Variants in ZDHHC14 observed in about 807,000 individuals in gnomAD.
ZDHHC14 encodes zDHHC palmitoyltransferase 14, also known as palmitoyltransferase ZDHHC14.
In ZDHHC14, 16 loss-of-function variants were observed where a neutral mutation model predicts 47.7. The ratio of observed to expected loss-of-function variants is 0.34; its 90% CI spans 0.23 to 0.51. ZDHHC14 has a LOEUF of 0.51. Among genes scored for constraint, ZDHHC14 ranks in the 20% least tolerant of loss-of-function variants. The pLI, the probability that ZDHHC14 is intolerant of heterozygous loss-of-function variation, is 0.97. For missense variants in ZDHHC14, 515 were observed against 662.5 expected (o/e 0.78, Z 2.44); for synonymous variants, 293 against 278.9 (o/e 1.05, Z -0.50).
intron 1 of ZDHHC14, among the ~76,000 whole-genome samples, chr6:157,419,273 C>A (rs1202123854): frequency 6.6e-6 from 1 of 152,198 alleles, no homozygotes; most frequent in Non-Finnish European, 1.5e-5. Flanking sequence ...AGGGTTTACT[C>A]TTTGTGTTGT....
rs1354438720 is a variant in ZDHHC14, at chr6:157,388,619, AC to A, written c.245+6355del. On this transcript the variant is annotated intron_variant, in intron 1 of 8. Coordinates refer to ENST00000359775, the MANE Select transcript of ZDHHC14 (RefSeq NM_024630.3). ...TCATTCAGATAAGGGTTGGGGACTA[AC>A]CTAATGCTTTTGTTCAGTTCATCAC... 2.0e-5 allele frequency among the ~76,000 whole-genome samples: 3 copies of A among 152,294 alleles called. No homozygotes were observed. The East Asian group carries it at 5.8e-4, about 29-fold the overall frequency.
chr6:157,513,331 T>C (rs968372400), intron 1 of ZDHHC14, among the ~76,000 whole-genome samples: 3 of 152,210 alleles, frequency 2.0e-5, no homozygotes, highest in South Asian at 2.1e-4. Context: ...GTAGGAAAGA[T>C]GTTTCACAGC....
At chr6:157,541,576 G>A (rs1423067103) in intron 1 of ZDHHC14, among the ~76,000 whole-genome samples, 4 of 152,118 alleles carry the variant, frequency 2.6e-5, no homozygotes, top group African/African-American at 9.7e-5. Flanking sequence ...TGTTTTCCAC[G>A]CCAGATGTCC....
intron 1 of ZDHHC14, among the ~76,000 whole-genome samples, chr6:157,394,824 T>A (rs1777489706): frequency 2.0e-5 from 3 of 152,148 alleles, no homozygotes; most frequent in Admixed American, 6.5e-5. Flanking sequence ...AATGAAGTGT[T>A]GGGACTGGTT....
chr6:157,549,757 A>C (rs1248834483), intron 2 of ZDHHC14, among the ~76,000 whole-genome samples: 2 of 152,318 alleles, frequency 1.3e-5, no homozygotes, highest in East Asian at 3.9e-4. Context: ...TAAGGGAAGG[A>C]GGGAGCCAGA....
At chr6:157,540,880 A>ATGTGTGTGTGTGTGTG (rs1227856788) in intron 1 of ZDHHC14, among the ~76,000 whole-genome samples, 57 of 131,806 alleles carry the variant, frequency 4.3e-4, no homozygotes, top group South Asian at 6.7e-4. Flanking sequence ...ATAGATATAT[A>ATGTGTGTGTGTGTGTG]TGTATGTATG....
intron 1 of ZDHHC14, among the ~76,000 whole-genome samples, chr6:157,424,066 A>G (rs746881450): frequency 3.3e-5 from 5 of 152,228 alleles, no homozygotes; most frequent in Non-Finnish European, 5.9e-5. Context: ...TGCTTTGCAT[A>G]ACAGTCTGTT....
At chr6:157,667,068 G>A (rs938711168) in intron 8 of ZDHHC14, among the ~76,000 whole-genome samples, 4 of 152,158 alleles carry the variant, frequency 2.6e-5, no homozygotes, top group East Asian at 1.9e-4. Flanking sequence ...TCCAGCATTC[G>A]GCCAATTTTT....
intron 1 of ZDHHC14, among the ~76,000 whole-genome samples, chr6:157,499,162 T>G (rs1007207984): frequency 2.6e-5 from 4 of 152,234 alleles, no homozygotes; most frequent in Non-Finnish European, 4.4e-5. Context: ...GAGAACACTT[T>G]TGGTGTGTCG....
At chr6:157,465,566 C>G (rs951507178) in intron 1 of ZDHHC14, among the ~76,000 whole-genome samples, 50 of 151,902 alleles carry the variant, frequency 3.3e-4, no homozygotes, top group African/African-American at 1.2e-3. Context: ...ACCATGGCAT[C>G]TGGATAGTTA....
chr6:157,617,091 C>T (rs1489676397), intron 3 of ZDHHC14, among the ~76,000 whole-genome samples: 1 of 152,194 alleles, frequency 6.6e-6, no homozygotes, highest in Non-Finnish European at 1.5e-5. Context: ...TGAATCTGAG[C>T]ATATACAGGG....
chr6:157,670,076 C>T (rs2038586), intron 8 of ZDHHC14, among the ~76,000 whole-genome samples: 23,345 of 152,212 alleles, frequency 0.15, 1,897 homozygotes, highest in South Asian at 0.21. Context: ...CATGGGAGAG[C>T]GCCCGCAGCC....
intron 2 of ZDHHC14, among the ~76,000 whole-genome samples, chr6:157,548,817 T>G (rs919504921): frequency 2.0e-5 from 3 of 152,188 alleles, no homozygotes; most frequent in Non-Finnish European, 4.4e-5. Flanking sequence ...ACTACCAGCT[T>G]AAGCACTTAC....
Position 157,502,143 on chromosome 6 carries a change from C to T in ZDHHC14, c.246-40442C>T, listed in dbSNP as rs949825047. Among the ~76,000 whole-genome samples, 28 of 152,122 alleles carry T rather than the reference C, an allele frequency of 1.8e-4. No individual in the cohort carries two copies. The highest frequency in any genetic ancestry group is 6.8e-4 in the African/African-American group (28 of 41,410). On this transcript the variant is annotated intron_variant, in intron 1 of 8. Transcript: ENST00000359775. The surrounding 1 kb of genome is among the most constrained non-coding windows in gnomAD (Gnocchi z 4.0). ...GACAGTAGATGTCTTTCTCAGGGCCCACAGGAGTAACCAGCAGGACCAGTG... is the reference window on the plus strand; with the variant it reads ...GACAGTAGATGTCTTTCTCAGGGCCTACAGGAGTAACCAGCAGGACCAGTG...
chr6:157,537,816 C>G (rs965432556), intron 1 of ZDHHC14, among the ~76,000 whole-genome samples: 4 of 152,162 alleles, frequency 2.6e-5, no homozygotes, highest in Non-Finnish European at 4.4e-5. Flanking sequence ...CATCTGAGCT[C>G]GGACTAAGAA....
Position 157,466,347 on chromosome 6 carries a change from A to G in ZDHHC14, c.246-76238A>G, listed in dbSNP as rs142488310. Among the ~76,000 whole-genome samples, 306 of 152,276 alleles carry G rather than the reference A, an allele frequency of 2.0e-3. 4 individuals carry two copies. Among genetic ancestry groups the G allele is most frequent in the African/African-American group, 7.0e-3 (289 of 41,564 alleles). ...ATCTGCTCCACAGTAGCACCCTCCC[A>G]TTGACAGGATCACAGCCCATACCTG... On this transcript the variant is annotated intron_variant, in intron 1 of 8. Coordinates refer to ENST00000359775, the MANE Select transcript of ZDHHC14 (RefSeq NM_024630.3).
intron 1 of ZDHHC14, among the ~76,000 whole-genome samples, chr6:157,541,604 G>T (rs995144799): frequency 2.0e-5 from 3 of 152,162 alleles, no homozygotes; most frequent in African/African-American, 7.2e-5. Flanking sequence ...GTGATTCTGC[G>T]TCATGTTCCC....
chr6:157,597,418 G>A (rs748160251), intron 3 of ZDHHC14, among the ~76,000 whole-genome samples: 4 of 152,324 alleles, frequency 2.6e-5, no homozygotes, highest in South Asian at 2.1e-4. Context: ...AGCAGCTTTC[G>A]CTGGAATGCG....
At chr6:157,503,051 C>T (rs1780225283) in intron 1 of ZDHHC14, among the ~76,000 whole-genome samples, 1 of 152,194 alleles carries the variant, frequency 6.6e-6, no homozygotes, top group South Asian at 2.1e-4. Context: ...TAGCAGAAAG[C>T]CAGGTTCAAA....
Sources: allele counts gnomAD v4.1 joint callset (sites outside exome capture counted in the v4.1 genomes callset), GRCh38; gene constraint gnomAD v4.1.1; non-coding constraint Gnocchi (gnomAD v3.1); transcripts MANE v1.5; gene names NCBI Gene and HGNC (gene_info 2026-07-23, HGNC 2026-07-21).